The following NRG1 variants were observed in gnomAD, a reference collection of about 807,000 sequenced individuals.
NRG1 encodes pro-neuregulin-1, membrane-bound isoform.
In NRG1, 18 loss-of-function variants were observed where a neutral mutation model predicts 63.8. The observed-to-expected ratio is 0.28, with a 90% CI of 0.19 to 0.42. The LOEUF (loss-of-function observed/expected upper bound fraction) is 0.42. NRG1 is among the 10% of genes least tolerant of loss of function. NRG1 has a pLI of 1.00. For synonymous variants in NRG1, 302 were observed against 301.3 expected (o/e 1.00, Z -0.02); for missense variants, 762 against 814.7 (o/e 0.94, Z 0.79).
intron 1 of NRG1, among the ~76,000 whole-genome samples, chr8:31,854,787 A>G (rs996252856): frequency 1.4e-4 from 22 of 152,004 alleles, no homozygotes; most frequent in African/African-American, 3.4e-4. Flanking sequence ...CTTTGAATGC[A>G]TCCCAGAGAT....
rs144221025 is a variant in NRG1 at position 32,345,963 on chromosome 8, G to A, written c.38-249865G>A. Reference sequence around the variant, plus strand: ...GCAGAAGTTGCAGTGAGCCAAGATGGCACCACTGTACTCCAGTCTGGGTGA... The same window carrying A: ...GCAGAAGTTGCAGTGAGCCAAGATGACACCACTGTACTCCAGTCTGGGTGA... On this transcript the variant is annotated intron_variant, in intron 1 of 10. Transcript: ENST00000519301. 3.9e-3 allele frequency among the ~76,000 whole-genome samples: 591 copies of A among 151,462 alleles called. 2 individuals are homozygous for A. The highest frequency in any genetic ancestry group is 0.014 in the African/African-American group (559 of 41,328).
intron 1 of NRG1, among the ~76,000 whole-genome samples, chr8:32,554,713 T>C (rs963351253): frequency 3.3e-5 from 5 of 152,214 alleles, no homozygotes; most frequent in Non-Finnish European, 7.3e-5. Context: ...AGATATGCAC[T>C]TTCTTATGTT....
At chr8:32,104,493 ATCT>A (rs1473784956) in intron 1 of NRG1, among the ~76,000 whole-genome samples, 9 of 152,054 alleles carry the variant, frequency 5.9e-5, no homozygotes, top group Admixed American at 3.3e-4. Context: ...TTATAGAAAA[ATCT>A]TCTTTCTTCA....
chr8:32,704,668 A>G (rs573372741), intron 5 of NRG1, among the ~76,000 whole-genome samples: 1 of 152,326 alleles, frequency 6.6e-6, no homozygotes, highest in South Asian at 2.1e-4. Flanking sequence ...TGTGCAATAA[A>G]TCTCATTATT....
At chr8:32,538,753 G>A (rs377224949) in intron 1 of NRG1, among the ~76,000 whole-genome samples, 2 of 152,128 alleles carry the variant, frequency 1.3e-5, no homozygotes, top group African/African-American at 2.4e-5. Flanking sequence ...ATCTGCATAC[G>A]TTTATAGTCT....
At chr8:32,149,899 A>G (rs935872016) in intron 1 of NRG1, among the ~76,000 whole-genome samples, 1 of 152,252 alleles carries the variant, frequency 6.6e-6, no homozygotes, top group South Asian at 2.1e-4. Flanking sequence ...CAAGAGGAAT[A>G]CTAAATAAAA....
chr8:32,243,914 A>G (rs1028915134), intron 1 of NRG1, among the ~76,000 whole-genome samples: 1 of 152,152 alleles, frequency 6.6e-6, no homozygotes, highest in Non-Finnish European at 1.5e-5. Flanking sequence ...TCATACACCA[A>G]GTCTTCCTGC....
At chr8:32,142,838 AT>A (rs935097171) in intron 1 of NRG1, among the ~76,000 whole-genome samples, 10 of 152,196 alleles carry the variant, frequency 6.6e-5, no homozygotes, top group African/African-American at 2.2e-4. Flanking sequence ...TCAGGCATGT[AT>A]TTTTTTAAAG....
intron 1 of NRG1, among the ~76,000 whole-genome samples, chr8:32,353,122 G>T (rs906982442): frequency 2.7e-5 from 4 of 150,244 alleles, no homozygotes; most frequent in Admixed American, 6.6e-5. Context: ...TAATAAATAA[G>T]AATAATAAGA....
At chr8:32,457,200 C>T (rs1043576929) in intron 1 of NRG1, among the ~76,000 whole-genome samples, 1 of 152,166 alleles carries the variant, frequency 6.6e-6, no homozygotes, top group East Asian at 1.9e-4. Context: ...CAACTGAAAT[C>T]TATCACAGTT....
chr8:32,660,546 A>T (rs1252246604), intron 5 of NRG1, among the ~76,000 whole-genome samples: 2 of 152,226 alleles, frequency 1.3e-5, no homozygotes, highest in African/African-American at 4.8e-5. Context: ...TAAAAAATTC[A>T]CATCATGGAG....
chr8:32,300,322 A>T (rs546475625), intron 1 of NRG1, among the ~76,000 whole-genome samples: 1 of 152,362 alleles, frequency 6.6e-6, no homozygotes, highest in East Asian at 1.9e-4. Flanking sequence ...TCATAGAATT[A>T]GTATAGCCAA....
intron 1 of NRG1, among the ~76,000 whole-genome samples, chr8:32,154,238 C>T (rs79780669): frequency 1.3e-5 from 2 of 152,108 alleles, no homozygotes; most frequent in East Asian, 3.9e-4. Context: ...TTTGCGATCT[C>T]TCTACCTCTT....
At chr8:32,554,304 T>G (rs1386524049) in intron 1 of NRG1, among the ~76,000 whole-genome samples, 1 of 152,140 alleles carries the variant, frequency 6.6e-6, no homozygotes, top group Non-Finnish European at 1.5e-5. Flanking sequence ...GTGTGTGTCC[T>G]TGTGTATGTT....
chr8:32,727,978 C>T, exon 6 of NRG1: 1 of 1,614,036 alleles, frequency 6.2e-7, no homozygotes, highest in Non-Finnish European at 8.5e-7. Flanking sequence ...TGGGACAAGC[C>T]ATCTTGTAAA....
intron 1 of NRG1, among the ~76,000 whole-genome samples, chr8:31,980,149 C>T (rs547493287): frequency 6.6e-6 from 1 of 152,092 alleles, no homozygotes; most frequent in African/African-American, 2.4e-5. Context: ...ACATTTTTAA[C>T]CACTGTGCTC....
chr8:32,632,325 G>A (rs1333819254), intron 5 of NRG1, among the ~76,000 whole-genome samples: 1 of 152,068 alleles, frequency 6.6e-6, no homozygotes, highest in African/African-American at 2.4e-5. Context: ...GGCCAAGGCG[G>A]GCGGATCACC....
At chr8:32,699,689 G>A (rs188829138) in intron 5 of NRG1, among the ~76,000 whole-genome samples, 1 of 152,034 alleles carries the variant, frequency 6.6e-6, no homozygotes, top group East Asian at 1.9e-4. Flanking sequence ...TGAGATTATT[G>A]GTTTAGAATT....
chr8:32,073,622 C>T (rs1826073536), intron 1 of NRG1, among the ~76,000 whole-genome samples: 1 of 152,270 alleles, frequency 6.6e-6, no homozygotes, highest in East Asian at 1.9e-4. Flanking sequence ...TCTAAGAAAA[C>T]TATAGCTACC....
Sources: allele counts gnomAD v4.1 joint callset (sites outside exome capture counted in the v4.1 genomes callset), GRCh38; gene constraint gnomAD v4.1.1; transcripts MANE v1.5; gene names NCBI Gene and HGNC (gene_info 2026-07-23, HGNC 2026-07-21).